The following KCNQ5 variants were observed in gnomAD, a reference collection of about 807,000 sequenced individuals.
The protein encoded by KCNQ5 is potassium voltage-gated channel subfamily KQT member 5.
A neutral mutation model predicts 98.2 loss-of-function variants in KCNQ5; 30 were observed. The observed-to-expected ratio is 0.31, with a 90% CI of 0.23 to 0.41. KCNQ5 has a LOEUF of 0.41. Among genes scored for constraint, KCNQ5 ranks in the 10% least tolerant of loss-of-function variants. KCNQ5 has a pLI of 1.00. For missense variants in KCNQ5, 835 were observed against 1,182.5 expected (o/e 0.71, Z 4.31); for synonymous variants, 458 against 449.4 (o/e 1.02, Z -0.24).
At chr6:72,654,812 G>T (rs76928850) in intron 1 of KCNQ5, among the ~76,000 whole-genome samples, 6 of 152,010 alleles carry the variant, frequency 3.9e-5, no homozygotes, top group Non-Finnish European at 7.4e-5. Flanking sequence ...TTATTCTAGT[G>T]TGATATTATT....
chr6:73,051,725 A>C lies in KCNQ5; in HGVS notation c.616+9663A>C, dbSNP rs773993886. Among the ~76,000 whole-genome samples the C allele has an allele frequency of 1.8e-3, 275 of 150,484 alleles. 10 individuals are homozygous for C. Among genetic ancestry groups the C allele is most frequent in the Non-Finnish European group, 2.8e-3 (191 of 67,814 alleles). On this transcript the variant is annotated intron_variant, in intron 3 of 13. Transcript: ENST00000370398. ...AGAGGCAAAAAAAAAAAAAAAAAAA[A>C]AAAAAAAAAAAAAAACTATCCAAAG...
chr6:72,916,454 G>A (rs375570349), intron 1 of KCNQ5, among the ~76,000 whole-genome samples: 62 of 152,130 alleles, frequency 4.1e-4, no homozygotes, highest in Non-Finnish European at 7.3e-4. Context: ...GAACTGTGCC[G>A]ATGATAGAGA....
In KCNQ5 at chr6:73,194,657, G is replaced by A. The variant is rs1471070618; in HGVS notation, c.2042G>A (p.Ser681Asn). The A allele has an allele frequency of 6.8e-6, 11 of 1,614,106 alleles. No homozygotes were observed. Among genetic ancestry groups the A allele is most frequent in the Non-Finnish European group, 9.3e-6 (11 of 1,180,048 alleles). The change falls in exon 14 of 14, where the codon AGT (serine) becomes AAT (asparagine). Residue 681 changes from serine to asparagine, a missense_variant. By Grantham distance (46) the Ser-to-Asn change is conservative. Transcript: ENST00000370398. ...QNSGCLSRST[S>N]ANISRGLQFI... ...AGTGGCTGCTTATCCAGATCAACTA[G>A]TGCCAACATCTCGAGAGGCCTGCAG...
Position 72,872,108 on chromosome 6 carries a change from A to T in KCNQ5, c.399-131800A>T, listed in dbSNP as rs1318949239. Among the ~76,000 whole-genome samples, 10 of 152,344 alleles carry T rather than the reference A, an allele frequency of 6.6e-5. No homozygotes were observed. In the East Asian group the frequency reaches 1.9e-3, roughly 29 times the overall value. On this transcript the variant is annotated intron_variant, in intron 1 of 13. Transcript: ENST00000370398. ...ATGGACAGATGGATGAATAGATGGA[A>T]GAGAAAATGATTTTATGTAATAGCT...
chr6:72,726,832 ATTTTTTAAT>A (rs1442949597), intron 1 of KCNQ5, among the ~76,000 whole-genome samples: 1 of 152,162 alleles, frequency 6.6e-6, no homozygotes, highest in East Asian at 1.9e-4. Flanking sequence ...AGTTCTAATG[ATTTTTTAAT>A]TTTTTTCAAA....
chr6:73,138,539 T>C (rs1776569771), intron 10 of KCNQ5, among the ~76,000 whole-genome samples: 1 of 152,242 alleles, frequency 6.6e-6, no homozygotes, highest in African/African-American at 2.4e-5. Flanking sequence ...ATTAGCATGT[T>C]CGTTCCAGAA....
intron 3 of KCNQ5, among the ~76,000 whole-genome samples, chr6:73,067,102 A>G (rs1328250500): frequency 6.6e-6 from 1 of 152,170 alleles, no homozygotes; most frequent in Non-Finnish European, 1.5e-5. Context: ...TATATTCCCT[A>G]TTCTTGATAA....
At chr6:73,158,202 G>A (rs1257453071) in intron 10 of KCNQ5, 1 of 274,792 alleles carries the variant, frequency 3.6e-6, no homozygotes, top group East Asian at 1.0e-4. Context: ...CGGCGGCGCC[G>A]GCCCCAGCGT....
At chr6:73,087,381 CT>C (rs1202588265) in intron 5 of KCNQ5, among the ~76,000 whole-genome samples, 4 of 152,064 alleles carry the variant, frequency 2.6e-5, no homozygotes, top group Non-Finnish European at 1.5e-5. Context: ...TGGTGGAGCT[CT>C]TGGTTAAGAC....
chr6:72,806,005 C>T (rs949232827), intron 1 of KCNQ5, among the ~76,000 whole-genome samples: 1 of 152,080 alleles, frequency 6.6e-6, no homozygotes, highest in African/African-American at 2.4e-5. Flanking sequence ...GTGTACTTTA[C>T]TTCATGGTGC....
At chr6:73,018,176 T>G (rs1372002899) in intron 2 of KCNQ5, among the ~76,000 whole-genome samples, 10 of 152,164 alleles carry the variant, frequency 6.6e-5, no homozygotes, top group African/African-American at 2.4e-4. Context: ...GTGAGTTAAT[T>G]ACACCTCTAT....
intron 1 of KCNQ5, among the ~76,000 whole-genome samples, chr6:72,701,223 G>C (rs566925673): frequency 3.3e-5 from 5 of 152,178 alleles, no homozygotes; most frequent in Non-Finnish European, 7.3e-5. Flanking sequence ...TCATATTCAT[G>C]AGAATTTAAC....
intron 1 of KCNQ5, among the ~76,000 whole-genome samples, chr6:72,781,276 G>C (rs532185775): frequency 6.6e-6 from 1 of 152,224 alleles, no homozygotes; most frequent in South Asian, 2.1e-4. Context: ...AGCTAGGAAG[G>C]GGCTAGGAAG....
intron 1 of KCNQ5, among the ~76,000 whole-genome samples, chr6:72,628,928 A>G (rs1387433999): frequency 1.3e-5 from 2 of 152,048 alleles, no homozygotes; most frequent in Non-Finnish European, 2.9e-5. Context: ...TGATCTTCCT[A>G]AAGACTTAAC....
At chr6:72,950,119 A>C (rs1252726737) in intron 1 of KCNQ5, among the ~76,000 whole-genome samples, 1 of 152,216 alleles carries the variant, frequency 6.6e-6, no homozygotes, top group African/African-American at 2.4e-5. Flanking sequence ...CTGGAAAGCC[A>C]CATCACTAAA....
At chr6:72,963,468 A>C (rs1283567915) in intron 1 of KCNQ5, among the ~76,000 whole-genome samples, 1 of 152,158 alleles carries the variant, frequency 6.6e-6, no homozygotes, top group Non-Finnish European at 1.5e-5. Flanking sequence ...TATCTTACTA[A>C]ATGCCATAGA....
chr6:72,713,368 C>T (rs1472917236), intron 1 of KCNQ5, among the ~76,000 whole-genome samples: 1 of 152,180 alleles, frequency 6.6e-6, no homozygotes, highest in East Asian at 1.9e-4. Context: ...AGAAGCATCA[C>T]CATCCCATCA....
At chr6:73,181,520 T>C (rs915752464) in intron 11 of KCNQ5, among the ~76,000 whole-genome samples, 1 of 152,204 alleles carries the variant, frequency 6.6e-6, no homozygotes, top group African/African-American at 2.4e-5. Flanking sequence ...TTTGAAAAAT[T>C]AGTAGAACTT....
At chr6:73,063,989 T>C (rs1382005912) in intron 3 of KCNQ5, among the ~76,000 whole-genome samples, 1 of 152,172 alleles carries the variant, frequency 6.6e-6, no homozygotes, top group East Asian at 1.9e-4. Context: ...AATTGTGCAT[T>C]GAAAAATATT....
Sources: allele counts gnomAD v4.1 joint callset (sites outside exome capture counted in the v4.1 genomes callset), GRCh38; gene constraint gnomAD v4.1.1; transcripts MANE v1.5; gene names NCBI Gene and HGNC (gene_info 2026-07-23, HGNC 2026-07-21).